The following KCNIP4 variants were observed in gnomAD, a reference collection of about 807,000 sequenced individuals.
The protein encoded by KCNIP4 is Kv channel-interacting protein 4.
Under a neutral mutation model 34.0 loss-of-function variants are expected in KCNIP4, and 12 were observed. The ratio of observed to expected loss-of-function variants is 0.35; its 90% CI spans 0.23 to 0.57. The LOEUF is 0.57. Among genes scored for constraint, KCNIP4 ranks in the 20% least tolerant of loss-of-function variants. The probability of loss-of-function intolerance (pLI) is 0.83; values close to 1 mark genes in which losing one functional copy is unlikely to be tolerated. For synonymous variants in KCNIP4, 124 were observed against 102.2 expected (o/e 1.21, Z -1.29); for missense variants, 238 against 311.7 (o/e 0.76, Z 1.78).
At chr4:21,872,436 C>T (rs555459396) in intron 1 of KCNIP4, among the ~76,000 whole-genome samples, 1 of 152,260 alleles carries the variant, frequency 6.6e-6, no homozygotes, top group Non-Finnish European at 1.5e-5. Context: ...GATCCACAGG[C>T]TAAAGAGAAG....
chr4:21,659,093 G>T (rs1352581883), intron 1 of KCNIP4, among the ~76,000 whole-genome samples: 1 of 152,066 alleles, frequency 6.6e-6, no homozygotes, highest in Admixed American at 6.6e-5. Context: ...ATATGCTTTT[G>T]TGCATTTTAT....
intron 2 of KCNIP4, among the ~76,000 whole-genome samples, chr4:20,865,605 C>T (rs1166608187): frequency 2.6e-5 from 4 of 151,466 alleles, no homozygotes; most frequent in South Asian, 2.1e-4. Context: ...ATAAGCAAAA[C>T]GCAGAGAAAG....
chr4:21,002,812 A>C (rs1224515243), intron 1 of KCNIP4, among the ~76,000 whole-genome samples: 1 of 152,176 alleles, frequency 6.6e-6, no homozygotes, highest in African/African-American at 2.4e-5. Context: ...TGGAACATCA[A>C]TTGACAGAGA....
intron 1 of KCNIP4, among the ~76,000 whole-genome samples, chr4:21,169,236 T>A (rs1026892276): frequency 1.3e-5 from 2 of 152,130 alleles, no homozygotes; most frequent in Non-Finnish European, 2.9e-5. Flanking sequence ...CACTGCAGCC[T>A]TGACCTCCTG....
chr4:21,174,196 G>A (rs1460471766), intron 1 of KCNIP4, among the ~76,000 whole-genome samples: 2 of 152,164 alleles, frequency 1.3e-5, no homozygotes, highest in African/African-American at 4.8e-5. Flanking sequence ...GAAAATAATG[G>A]AAAAGTTGAC....
At chr4:21,477,525 C>T (rs900777946) in intron 1 of KCNIP4, among the ~76,000 whole-genome samples, 18 of 152,148 alleles carry the variant, frequency 1.2e-4, no homozygotes, top group African/African-American at 4.1e-4. Context: ...AACTCCACAG[C>T]TTACTGATAA....
At chr4:20,790,889 A>C (rs191028206) in intron 3 of KCNIP4, among the ~76,000 whole-genome samples, 1 of 152,320 alleles carries the variant, frequency 6.6e-6, no homozygotes, top group Admixed American at 6.5e-5. Flanking sequence ...GCCTAAGATA[A>C]AGGAAGAAAA....
rs187050340 is a variant in KCNIP4, at chr4:20,934,853, C to G, written c.62-52144G>C. 5.7e-3 allele frequency among the ~76,000 whole-genome samples: 873 copies of G among 152,318 alleles called. 6 individuals are homozygous for G. The highest frequency in any genetic ancestry group is 0.019 in the African/African-American group (808 of 41,580). ...AAAACAACTGCAATTTATTCTCTCA[C>G]AGCCCTGGAGGCTGGAAGTCTGAAA... On this transcript the variant is annotated intron_variant, in intron 1 of 8. Transcript: ENST00000382152.
intron 3 of KCNIP4, among the ~76,000 whole-genome samples, chr4:20,847,846 G>A (rs902515679): frequency 1.3e-5 from 2 of 152,266 alleles, no homozygotes; most frequent in Admixed American, 1.3e-4. Context: ...TCACAGTATG[G>A]AGAGTTTTAA....
intron 1 of KCNIP4, among the ~76,000 whole-genome samples, chr4:21,446,624 G>T (rs527996276): frequency 1.9e-4 from 22 of 115,728 alleles, no homozygotes; most frequent in African/African-American, 6.9e-4. Context: ...GGGGCCTGTT[G>T]TGGGGTGGGG....
chr4:21,276,598 C>A (rs1762456122), intron 1 of KCNIP4, among the ~76,000 whole-genome samples: 1 of 152,002 alleles, frequency 6.6e-6, no homozygotes, highest in Non-Finnish European at 1.5e-5. Flanking sequence ...TCAACTTGAC[C>A]CTGGTCTATG....
chr4:20,822,801 G>A (rs968321113), intron 3 of KCNIP4, among the ~76,000 whole-genome samples: 30 of 152,144 alleles, frequency 2.0e-4, no homozygotes, highest in Admixed American at 6.5e-5. Context: ...AATACCCAGT[G>A]TGTTGGTATT....
chr4:21,299,453 G>A (rs140563311), intron 1 of KCNIP4, among the ~76,000 whole-genome samples: 156 of 151,996 alleles, frequency 1.0e-3, no homozygotes, highest in African/African-American at 3.5e-3. Context: ...CCCTAAAGGC[G>A]GTATATGTAT....
intron 1 of KCNIP4, chr4:21,582,005 G>C (rs1394217167): frequency 3.8e-5 from 3 of 78,244 alleles, no homozygotes; most frequent in Non-Finnish European, 7.9e-5. Flanking sequence ...ATAGGGCATA[G>C]AAGAATAGAA....
chr4:21,611,581 G>A (rs534484511), intron 1 of KCNIP4, among the ~76,000 whole-genome samples: 33 of 152,136 alleles, frequency 2.2e-4, no homozygotes, highest in Non-Finnish European at 3.2e-4. Flanking sequence ...CATTGATGAA[G>A]ACAAATATAT....
At chr4:21,763,073 C>T (rs1577956341) in intron 1 of KCNIP4, 16 of 1,288,756 alleles carry the variant, frequency 1.2e-5, no homozygotes, top group Non-Finnish European at 1.6e-5. Flanking sequence ...CTAATTTCCT[C>T]GTCAGGACAC....
intron 3 of KCNIP4, among the ~76,000 whole-genome samples, chr4:20,770,501 T>C (rs1755774401): frequency 6.6e-6 from 1 of 151,224 alleles, no homozygotes; most frequent in African/African-American, 2.4e-5. Flanking sequence ...AGTAAAGAAT[T>C]CTACTTAAAA....
At chr4:21,477,263 C>T (rs1731064445) in intron 1 of KCNIP4, among the ~76,000 whole-genome samples, 1 of 152,148 alleles carries the variant, frequency 6.6e-6, no homozygotes, top group African/African-American at 2.4e-5. Flanking sequence ...CCTAGGGCAA[C>T]TTTGCATTGC....
intron 1 of KCNIP4, among the ~76,000 whole-genome samples, chr4:21,399,329 C>G (rs1324212364): frequency 2.0e-5 from 3 of 152,206 alleles, no homozygotes; most frequent in Admixed American, 1.3e-4. Flanking sequence ...CTGCTCTTCC[C>G]CACTGAGACT....
Sources: allele counts gnomAD v4.1 joint callset (sites outside exome capture counted in the v4.1 genomes callset), GRCh38; gene constraint gnomAD v4.1.1; transcripts MANE v1.5; gene names NCBI Gene and HGNC (gene_info 2026-07-23, HGNC 2026-07-21).